Variants in ESRRG observed in about 807,000 individuals in gnomAD.
The protein encoded by ESRRG is estrogen related receptor gamma, also known as estrogen-related receptor gamma.
A neutral mutation model predicts 44.0 loss-of-function variants in ESRRG; 13 were observed. The observed-to-expected ratio is 0.30, with a 90% CI of 0.19 to 0.47. The LOEUF (loss-of-function observed/expected upper bound fraction) is 0.47. ESRRG is among the 20% of genes least tolerant of loss of function. The pLI is 1.00. For missense variants in ESRRG, 395 were observed against 580.6 expected (o/e 0.68, Z 3.29); for synonymous variants, 215 against 214.6 (o/e 1.00, Z -0.02).
chr1:216,810,735 G>A (rs1421615610), intron 2 of ESRRG, among the ~76,000 whole-genome samples: 1 of 146,948 alleles, frequency 6.8e-6, no homozygotes. Context: ...ATATACACAT[G>A]TATATATATA....
At chr1:216,834,808 A>T (rs2095538380) in intron 2 of ESRRG, among the ~76,000 whole-genome samples, 1 of 152,222 alleles carries the variant, frequency 6.6e-6, no homozygotes, top group Non-Finnish European at 1.5e-5. Flanking sequence ...AGTCAGGCAT[A>T]GATAGGCTCA....
At chr1:217,105,599 G>A (rs181552362) in intron 1 of ESRRG, among the ~76,000 whole-genome samples, 59 of 152,254 alleles carry the variant, frequency 3.9e-4, no homozygotes, top group Middle Eastern at 6.8e-3. Flanking sequence ...CTGGCTGGCT[G>A]GAATTGCCAC....
chr1:216,985,355 C>T (rs530985823), intron 1 of ESRRG, among the ~76,000 whole-genome samples: 30 of 152,302 alleles, frequency 2.0e-4, no homozygotes, highest in African/African-American at 7.0e-4. Flanking sequence ...CATTACAACT[C>T]GGAGTAGCAT....
intron 2 of ESRRG, among the ~76,000 whole-genome samples, chr1:216,823,382 G>A (rs1013689111): frequency 6.6e-6 from 1 of 152,176 alleles, no homozygotes; most frequent in African/African-American, 2.4e-5. Context: ...ATATTCTCAA[G>A]TGAAACTAAT....
chr1:216,724,360 GC>G, upstream of ESRRG, among the ~76,000 whole-genome samples: 1 of 98,336 alleles, frequency 1.0e-5, no homozygotes, highest in East Asian at 3.8e-4. Flanking sequence ...AATAAAGACA[GC>G]ATTTTTTTTT....
chr1:216,593,142 T>A (rs1440746673), intron 3 of ESRRG, among the ~76,000 whole-genome samples: 2 of 152,236 alleles, frequency 1.3e-5, no homozygotes, highest in Non-Finnish European at 2.9e-5. Context: ...TTGTTCAGGT[T>A]GCTCAATGTG....
intron 1 of ESRRG, among the ~76,000 whole-genome samples, chr1:217,124,722 C>T (rs886792554): frequency 1.3e-5 from 2 of 152,154 alleles, no homozygotes; most frequent in African/African-American, 4.8e-5. Context: ...GGTAATCGGG[C>T]TTAGGTAGCT....
intron 3 of ESRRG, among the ~76,000 whole-genome samples, chr1:216,576,527 G>A (rs1324832019): frequency 1.3e-5 from 2 of 151,980 alleles, no homozygotes; most frequent in Admixed American, 6.6e-5. Context: ...GCTTCCCTCC[G>A]TTTCGGATTC....
At chr1:216,773,406 A>T (rs1407515033) in intron 2 of ESRRG, among the ~76,000 whole-genome samples, 1 of 152,128 alleles carries the variant, frequency 6.6e-6, no homozygotes, top group Non-Finnish European at 1.5e-5. Flanking sequence ...TAGATATGGT[A>T]TCTTACTTAG....
intron 1 of ESRRG, among the ~76,000 whole-genome samples, chr1:217,052,743 G>A (rs1375347534): frequency 6.6e-6 from 1 of 152,164 alleles, no homozygotes; most frequent in African/African-American, 2.4e-5. Context: ...GAGGGATAAT[G>A]AGGACTGCAA....
intron 2 of ESRRG, among the ~76,000 whole-genome samples, chr1:216,663,263 A>T (rs1406312008): frequency 6.6e-6 from 1 of 152,148 alleles, no homozygotes; most frequent in Non-Finnish European, 1.5e-5. Context: ...GCAGGGGAAA[A>T]AAAGTACACT....
intron 2 of ESRRG, among the ~76,000 whole-genome samples, chr1:216,829,644 T>A (rs1358284412): frequency 3.3e-5 from 5 of 150,444 alleles, no homozygotes; most frequent in African/African-American, 1.2e-4. Flanking sequence ...AACCTCCGCC[T>A]CCTGGGTTCA....
At chr1:216,794,350 C>T (rs1051532931) in intron 2 of ESRRG, among the ~76,000 whole-genome samples, 10 of 152,092 alleles carry the variant, frequency 6.6e-5, no homozygotes, top group African/African-American at 2.2e-4. Flanking sequence ...GGGGGGAATC[C>T]GGGAGTAAAT....
At chr1:216,867,832 G>T (rs2096192940) in intron 2 of ESRRG, among the ~76,000 whole-genome samples, 1 of 152,028 alleles carries the variant, frequency 6.6e-6, no homozygotes, top group Non-Finnish European at 1.5e-5. Context: ...CACATGAATA[G>T]GTTAATGTAA....
chr1:217,127,051 T>C (rs1014472408), intron 1 of ESRRG, among the ~76,000 whole-genome samples: 6 of 152,206 alleles, frequency 3.9e-5, no homozygotes, highest in African/African-American at 1.2e-4. Flanking sequence ...TATTAGAGAT[T>C]TCCAATTACG....
chr1:216,660,231 G>C (rs933935971), intron 2 of ESRRG, among the ~76,000 whole-genome samples: 3 of 152,076 alleles, frequency 2.0e-5, no homozygotes, highest in Admixed American at 2.0e-4. Flanking sequence ...AAGAATATGG[G>C]CTAGTTAACT....
chr1:216,650,091 A>G (rs1383543484), intron 3 of ESRRG, among the ~76,000 whole-genome samples: 1 of 152,148 alleles, frequency 6.6e-6, no homozygotes, highest in East Asian at 1.9e-4. Context: ...CCATCTTTTC[A>G]TTGTGTTACT....
chr1:216,753,412 A>G (rs767120340), intron 2 of ESRRG, among the ~76,000 whole-genome samples: 50 of 152,234 alleles, frequency 3.3e-4, no homozygotes, highest in East Asian at 3.9e-4. Flanking sequence ...TTTATGAGAC[A>G]TGGCAAGAGA....
intron 1 of ESRRG, among the ~76,000 whole-genome samples, chr1:216,683,233 G>A (rs1168394266): frequency 6.6e-6 from 1 of 152,110 alleles, no homozygotes; most frequent in Non-Finnish European, 1.5e-5. Flanking sequence ...CCTAACGGAA[G>A]GAGATCATTA....
Sources: gnomAD v4.1 joint callset for allele counts (sites outside exome capture counted in the v4.1 genomes callset) on GRCh38, gnomAD v4.1.1 for gene constraint, MANE v1.5 for transcripts, NCBI Gene and HGNC (gene_info 2026-07-23, HGNC 2026-07-21) for gene names.